The following ITGA6 variants were observed in gnomAD, a reference collection of about 807,000 sequenced individuals.
ITGA6 encodes the protein integrin subunit alpha 6.
A neutral mutation model predicts 133.6 loss-of-function variants in ITGA6; 63 were observed. The ratio of observed to expected loss-of-function variants is 0.47; its 90% CI spans 0.38 to 0.58. ITGA6 has a LOEUF of 0.58. Among genes scored for constraint, ITGA6 ranks in the 20% least tolerant of loss-of-function variants. The pLI is 0.00. For missense variants in ITGA6, 1,068 were observed against 1,309.4 expected, an observed-to-expected ratio of 0.82 and a Z score of 2.85; for synonymous variants, 434 against 482.0, an observed-to-expected ratio of 0.90 and a Z score of 1.30.
Position 172,484,910 on chromosome 2 carries a change from A to G in ITGA6, c.1678A>G (p.Lys560Glu). ...ACTAACTCTGAAGAGGCAGAAACAG[A>G]AAGTGTGCATGGAGGAAACCCTGTG... ...QELTLKRQKQ[K>E]VCMEETLWLQ... The change falls in exon 12 of 26, where the codon AAA (lysine) becomes GAA (glutamate). Residue 560 changes from lysine (K) to glutamate (E), a missense_variant. Physicochemically the swap from Lys to Glu is moderately conservative, Grantham distance 56. Around this residue, in one of 3 missense-constraint regions of ITGA6, gnomAD observed 609 missense variants for 707.2 expected, o/e 0.86. Coordinates refer to ENST00000684293, the MANE Select transcript of ITGA6 (RefSeq NM_000210.4). 1 of 1,614,222 alleles carries G rather than the reference A, an allele frequency of 6.2e-7. No individual in the cohort carries two copies. The highest frequency in any genetic ancestry group is 1.1e-5 in the South Asian group (1 of 91,090).
chr2:172,481,842 G>T (rs993507457), intron 11 of ITGA6, among the ~76,000 whole-genome samples: 1 of 152,148 alleles, frequency 6.6e-6, no homozygotes, highest in African/African-American at 2.4e-5. Flanking sequence ...TGTATACTGT[G>T]ACTCTTCAGG....
intron 24 of ITGA6, among the ~76,000 whole-genome samples, chr2:172,500,242 G>GA (rs59877896): frequency 5.9e-4 from 83 of 141,148 alleles, no homozygotes; most frequent in East Asian, 1.8e-3. Context: ...GTTTGCAGGT[G>GA]AAAAAAAAAA....
At position 172,487,987 on chromosome 2, in the gene ITGA6, C is replaced by A; in HGVS notation, c.2351C>A (p.Pro784Gln). ...ETTSNQDNLAPITAKAKVVIE... is the reference protein window; with the variant it reads ...ETTSNQDNLAQITAKAKVVIE... Reference sequence around the variant, plus strand: ...ACAAGCAATCAAGATAATTTGGCTCCAATTACAGCTAAAGCAAAAGTGGTT... The same window carrying A: ...ACAAGCAATCAAGATAATTTGGCTCAAATTACAGCTAAAGCAAAAGTGGTT... Residue 784 changes from proline (P) to glutamine (Q), a missense_variant, in exon 18 of 26, where the codon CCA (proline) becomes CAA (glutamine). Pro to Gln is a moderately conservative substitution (Grantham distance 76). Coordinates refer to ENST00000684293, the MANE Select transcript of ITGA6 (RefSeq NM_000210.4). 5 of 1,613,876 alleles carry A rather than the reference C, an allele frequency of 3.1e-6. No individual in the cohort carries two copies. Among genetic ancestry groups the A allele is most frequent in the South Asian group, 1.1e-5 (1 of 91,052 alleles).
chr2:172,439,372 G>A (rs771585373), intron 1 of ITGA6, among the ~76,000 whole-genome samples: 11 of 151,938 alleles, frequency 7.2e-5, no homozygotes, highest in South Asian at 2.1e-4. Context: ...AAATACTGTC[G>A]TTTTTCAATC....
At chr2:172,429,890 G>T (rs976463870) in intron 1 of ITGA6, among the ~76,000 whole-genome samples, 1 of 152,208 alleles carries the variant, frequency 6.6e-6, no homozygotes, top group Non-Finnish European at 1.5e-5. Context: ...TTCAGGAATA[G>T]CATTGGTCTT....
intron 1 of ITGA6, among the ~76,000 whole-genome samples, chr2:172,447,536 A>G (rs1684817097): frequency 6.6e-6 from 1 of 152,128 alleles, no homozygotes; most frequent in South Asian, 2.1e-4. Context: ...CTAGTTATAT[A>G]TTTATTTCTG....
rs375783792 is a variant in ITGA6 at position 172,500,073 on chromosome 2, G to A, written c.3115-1699G>A. On this transcript the variant is annotated intron_variant, in intron 24 of 25. Coordinates refer to ENST00000684293, the MANE Select transcript of ITGA6 (RefSeq NM_000210.4). The stretch of plus-strand genomic sequence containing the variant: ...AATTATTTAATATGTTAAAGTCATA[G>A]GATTTTAGGGTCAGAACTACAGTTC... 2.0e-4 allele frequency among the ~76,000 whole-genome samples: 31 copies of A among 152,206 alleles called. No homozygotes were observed. In the South Asian group the frequency reaches 6.2e-3, roughly 31 times the overall value.
intron 1 of ITGA6, among the ~76,000 whole-genome samples, chr2:172,439,500 G>C (rs1191215559): frequency 2.6e-5 from 4 of 151,990 alleles, no homozygotes; most frequent in African/African-American, 9.6e-5. Context: ...ACATTCCCCT[G>C]GTGTGCTGCA....
chr2:172,462,239 C>G (rs891338927), intron 1 of ITGA6, among the ~76,000 whole-genome samples: 2 of 152,188 alleles, frequency 1.3e-5, no homozygotes, highest in Non-Finnish European at 2.9e-5. Flanking sequence ...TGCTGGGTGT[C>G]AGCTCTTCCT....
chr2:172,457,537 T>C (rs1460182014), intron 1 of ITGA6, among the ~76,000 whole-genome samples: 2 of 152,224 alleles, frequency 1.3e-5, no homozygotes, highest in African/African-American at 4.8e-5. Flanking sequence ...ATGTTTAGTA[T>C]GTGTGATTTT....
At chr2:172,502,357 GA>G (rs1687385654) in intron 25 of ITGA6, among the ~76,000 whole-genome samples, 3 of 152,146 alleles carry the variant, frequency 2.0e-5, no homozygotes, top group Admixed American at 1.3e-4. Context: ...TTGCATGTTG[GA>G]AATGTTGTGT....
chr2:172,487,832 T>G (rs777911242), intron 17 of ITGA6, 25 bp downstream of exon 17: 1 of 1,542,336 alleles, frequency 6.5e-7, no homozygotes, highest in Non-Finnish European at 9.0e-7. Flanking sequence ...AACCTCTCCA[T>G]TCAGAATTAT....
At chr2:172,502,277 C>G (rs966529781) in intron 25 of ITGA6, among the ~76,000 whole-genome samples, 1 of 152,144 alleles carries the variant, frequency 6.6e-6, no homozygotes, top group African/African-American at 2.4e-5. Context: ...CATAAGAAAT[C>G]ATTCTAGATT....
intron 1 of ITGA6, among the ~76,000 whole-genome samples, chr2:172,462,206 A>T (rs1038107076): frequency 6.6e-6 from 1 of 152,154 alleles, no homozygotes; most frequent in Non-Finnish European, 1.5e-5. Flanking sequence ...ACCGGGCGCA[A>T]CTGGAGCAGG....
chr2:172,432,311 A>G (rs950093241), intron 1 of ITGA6, among the ~76,000 whole-genome samples: 2 of 152,226 alleles, frequency 1.3e-5, no homozygotes, highest in African/African-American at 4.8e-5. Flanking sequence ...GTGTCTGACA[A>G]TTCTGATGTT....
intron 1 of ITGA6, among the ~76,000 whole-genome samples, chr2:172,450,911 T>G (rs980307825): frequency 7.2e-6 from 1 of 139,600 alleles, no homozygotes; most frequent in African/African-American, 3.0e-5. Flanking sequence ...ATTTATATTA[T>G]ATATAAATTA....
intron 1 of ITGA6, among the ~76,000 whole-genome samples, chr2:172,448,918 C>T (rs1684874165): frequency 6.6e-6 from 1 of 152,142 alleles, no homozygotes; most frequent in Admixed American, 6.5e-5. Context: ...AGTACTTGCC[C>T]TTGGAGATGA....
chr2:172,467,660 C>T lies in ITGA6; in HGVS notation c.387+100C>T, dbSNP rs569097741. On this transcript the variant is annotated intron_variant, in intron 3 of 25. Coordinates refer to ENST00000684293, the MANE Select transcript of ITGA6 (RefSeq NM_000210.4). ...GGACAGCAGGGAGCATACATTCTAGCGAACTTACTGCTTTAAAGCAGGAAT... is the reference window on the plus strand; with the variant it reads ...GGACAGCAGGGAGCATACATTCTAGTGAACTTACTGCTTTAAAGCAGGAAT... 1.6e-4 allele frequency: 151 copies of T among 915,642 alleles called. 1 individual carries two copies. The South Asian group carries it at 1.7e-3, about 10-fold the overall frequency. 56.7% of individuals were successfully genotyped at this position (915,642 alleles called of 1,614,324 possible).
chr2:172,488,952 C>A (rs1686805564), intron 19 of ITGA6, among the ~76,000 whole-genome samples: 1 of 152,204 alleles, frequency 6.6e-6, no homozygotes, highest in Non-Finnish European at 1.5e-5. Flanking sequence ...AGGGCTCTTA[C>A]CTCCTGTGTT....
Sources: gnomAD v4.1 joint callset for allele counts (sites outside exome capture counted in the v4.1 genomes callset) on GRCh38, gnomAD v4.1.1 for gene constraint, gnomAD v4.1.1 regional missense constraint, MANE v1.5 for transcripts, NCBI Gene and HGNC (gene_info 2026-07-23, HGNC 2026-07-21) for gene names.